The following ALDH1A2 variants were observed in gnomAD, a reference collection of about 807,000 sequenced individuals.
The protein encoded by ALDH1A2 is retinal dehydrogenase 2.
ALDH1A2 carries 27 observed loss-of-function variants against 60.3 expected under a neutral mutation model. The observed-to-expected ratio is 0.45, with a 90% CI of 0.33 to 0.62. ALDH1A2 has a LOEUF of 0.62. ALDH1A2 is among the 20% of genes least tolerant of loss of function. The probability of loss-of-function intolerance (pLI) is 0.02; values close to 1 mark genes in which losing one functional copy is unlikely to be tolerated. For synonymous variants in ALDH1A2, 289 were observed against 232.4 expected, an observed-to-expected ratio of 1.24 and a Z score of -2.21; for missense variants, 581 against 643.8, an observed-to-expected ratio of 0.90 and a Z score of 1.06.
At chr15:58,040,147 G>C (rs1388313270) in intron 1 of ALDH1A2, among the ~76,000 whole-genome samples, 1 of 151,868 alleles carries the variant, frequency 6.6e-6, no homozygotes, top group Non-Finnish European at 1.5e-5. Context: ...GTGTCTTAAA[G>C]AATTCCAGCC....
chr15:58,062,457 C>T (rs1373553992), intron 1 of ALDH1A2, among the ~76,000 whole-genome samples: 1 of 152,196 alleles, frequency 6.6e-6, no homozygotes, highest in African/African-American at 2.4e-5. Flanking sequence ...CAGTAAAGTG[C>T]TGAGCCTTGA....
intron 4 of ALDH1A2, among the ~76,000 whole-genome samples, chr15:58,003,933 G>A (rs1341915011): frequency 4.6e-5 from 7 of 151,828 alleles, no homozygotes; most frequent in Non-Finnish European, 1.0e-4. Context: ...TGGGTACCAT[G>A]GCAGGAAATA....
chr15:57,978,906 C>T (rs1367942084), intron 7 of ALDH1A2, among the ~76,000 whole-genome samples: 1 of 152,172 alleles, frequency 6.6e-6, no homozygotes, highest in South Asian at 2.1e-4. Context: ...CATGGTGGCA[C>T]ATGTCTGTAA....
intron 7 of ALDH1A2, among the ~76,000 whole-genome samples, chr15:57,984,090 T>G (rs1894614952): frequency 6.6e-6 from 1 of 152,070 alleles, no homozygotes; most frequent in African/African-American, 2.4e-5. Flanking sequence ...TATGGGAGGG[T>G]GTATAGTCCC....
intron 1 of ALDH1A2, among the ~76,000 whole-genome samples, chr15:58,032,047 C>T (rs1226540812): frequency 6.6e-6 from 1 of 152,192 alleles, no homozygotes; most frequent in Admixed American, 6.5e-5. Context: ...TATAAAGACA[C>T]ATGCACACGT....
At chr15:57,972,145 A>G (rs933230464) in intron 7 of ALDH1A2, among the ~76,000 whole-genome samples, 1 of 118,208 alleles carries the variant, frequency 8.5e-6, no homozygotes, top group Non-Finnish European at 2.0e-5. Context: ...TATAATTGGA[A>G]AAAAAGACAA....
chr15:57,978,059 C>T (rs530610500), intron 7 of ALDH1A2, among the ~76,000 whole-genome samples: 2 of 152,292 alleles, frequency 1.3e-5, no homozygotes, highest in African/African-American at 4.8e-5. Flanking sequence ...TGAGACTTTA[C>T]TCAAGTTGCT....
chr15:57,972,434 T>C (rs1246889101), intron 7 of ALDH1A2, among the ~76,000 whole-genome samples: 3 of 152,232 alleles, frequency 2.0e-5, no homozygotes, highest in African/African-American at 7.2e-5. Context: ...AGGTTTTGAT[T>C]GTCTTGGTCT....
chr15:57,960,890 C>T (rs773674202), intron 11 of ALDH1A2, 46 bp from the exon 12 acceptor site: 3 of 1,546,042 alleles, frequency 1.9e-6, no homozygotes, highest in Non-Finnish European at 2.7e-6. Context: ...GAAGTCTGAG[C>T]ACATAATCTG....
At chr15:58,060,348 T>C (rs1426676697) in intron 1 of ALDH1A2, among the ~76,000 whole-genome samples, 4 of 152,180 alleles carry the variant, frequency 2.6e-5, no homozygotes, top group African/African-American at 7.2e-5. Flanking sequence ...CCACTTACTT[T>C]AACACACTTT....
intron 1 of ALDH1A2, among the ~76,000 whole-genome samples, chr15:58,031,222 C>G (rs1222772579): frequency 6.6e-6 from 1 of 152,124 alleles, no homozygotes; most frequent in African/African-American, 2.4e-5. Flanking sequence ...ACATCTACAA[C>G]CATCTGATCT....
intron 7 of ALDH1A2, among the ~76,000 whole-genome samples, chr15:57,970,757 G>C (rs1894036494): frequency 6.6e-6 from 1 of 152,054 alleles, no homozygotes; most frequent in Non-Finnish European, 1.5e-5. Context: ...ATCTCTACTA[G>C]AGATCCCAGT....
intron 4 of ALDH1A2, 110 bp from the exon 5 acceptor site, chr15:57,995,249 A>C: frequency 2.5e-6 from 2 of 785,720 alleles, no homozygotes; most frequent in Non-Finnish European, 4.2e-6. Context: ...AACAGAAATA[A>C]ACTTGAAAAA....
intron 1 of ALDH1A2, among the ~76,000 whole-genome samples, chr15:58,032,553 G>A (rs77359984): frequency 1.3e-5 from 2 of 151,950 alleles, no homozygotes; most frequent in Non-Finnish European, 1.5e-5. Flanking sequence ...GTGGAGAAAA[G>A]GAAAGTCTTG....
At chr15:57,987,180 C>T (rs545249202) in intron 7 of ALDH1A2, among the ~76,000 whole-genome samples, 2 of 151,938 alleles carry the variant, frequency 1.3e-5, no homozygotes, top group East Asian at 3.9e-4. Flanking sequence ...AAAAGAGTCC[C>T]AGTGACCCAT....
At chr15:58,032,420 G>A (rs1413455705) in intron 1 of ALDH1A2, among the ~76,000 whole-genome samples, 6 of 152,130 alleles carry the variant, frequency 3.9e-5, no homozygotes, top group Non-Finnish European at 7.4e-5. Context: ...AGTAGTTAAT[G>A]GGTGCAGCAC....
chr15:58,052,539 C>T (rs1162939761), intron 1 of ALDH1A2, among the ~76,000 whole-genome samples: 1 of 152,060 alleles, frequency 6.6e-6, no homozygotes, highest in Admixed American at 6.6e-5. Context: ...AATCTCGGCT[C>T]AGTGCAACCT....
At chr15:57,958,256 C>G (rs537868901) in intron 12 of ALDH1A2, among the ~76,000 whole-genome samples, 84 of 150,702 alleles carry the variant, frequency 5.6e-4, no homozygotes, top group South Asian at 1.3e-3. Flanking sequence ...TTTAGAGTAT[C>G]TAACAATGCT....
chr15:58,065,695 GGCTGTGCGC>G lies in ALDH1A2; in HGVS notation c.-54_-46del. On this transcript the variant is annotated 5_prime_UTR_variant, in exon 1 of 13. Transcript: ENST00000249750. Reference sequence around the variant, plus strand: ...CTAGCCCGCGGCGTGGGGCAGTGCGGGCTGTGCGCGCGGTCCGCGGCCCGGGGGCGCGCT... The same window carrying G: ...CTAGCCCGCGGCGTGGGGCAGTGCGGGCGGTCCGCGGCCCGGGGGCGCGCT... The G allele has an allele frequency of 7.3e-7, 1 of 1,377,168 alleles. No individual in the cohort carries two copies. Among genetic ancestry groups the G allele is most frequent in the South Asian group, 1.4e-5 (1 of 70,780 alleles). 85.3% of individuals were successfully genotyped at this position (1,377,168 alleles called of 1,614,324 possible).
Sources: gnomAD v4.1 joint callset for allele counts (sites outside exome capture counted in the v4.1 genomes callset) on GRCh38, gnomAD v4.1.1 for gene constraint, MANE v1.5 for transcripts, NCBI Gene and HGNC (gene_info 2026-07-23, HGNC 2026-07-21) for gene names.